The following TAS1R1 variants were observed in gnomAD, a reference collection of about 807,000 sequenced individuals.
The protein encoded by TAS1R1 is taste receptor type 1 member 1.
Under a neutral mutation model 45.8 loss-of-function variants are expected in TAS1R1, and 31 were observed. That is an observed-to-expected ratio of 0.68 (90% CI 0.51 to 0.91). The LOEUF is 0.91. Ranked by LOEUF, TAS1R1 falls within the 40% of genes least tolerant of loss-of-function variation. TAS1R1 has a pLI of 0.00. For missense variants in TAS1R1, 1,051 were observed against 1,063.9 expected (o/e 0.99, Z 0.17); for synonymous variants, 437 against 448.4 (o/e 0.97, Z 0.32).
intron 1 of TAS1R1, 150 bp downstream of exon 1, chr1:6,555,714 C>A: frequency 1.5e-6 from 1 of 688,594 alleles, no homozygotes; most frequent in Non-Finnish European, 2.4e-6. Context: ...CACCTAAGTG[C>A]TGGCTAGACC....
intron 5 of TAS1R1, among the ~76,000 whole-genome samples, chr1:6,577,696 C>T (rs1479409502): frequency 2.0e-5 from 3 of 151,644 alleles, no homozygotes; most frequent in Non-Finnish European, 2.9e-5. Context: ...GGCGTTGTGG[C>T]GTGTGCCTGT....
rs1474298256 is a variant in TAS1R1, at chr1:6,571,001, A to G, written c.284A>G (p.Asn95Ser). 3.1e-6 allele frequency: 5 copies of G among 1,614,050 alleles called. No homozygotes were observed. Among genetic ancestry groups the G allele is most frequent in the South Asian group, 2.2e-5 (2 of 91,082 alleles). ...AACAACTCCACGGCCCTGCTGCCCA[A>G]CATCACCCTGGGGTACCAGCTGTAT... ...EINNSTALLP[N>S]ITLGYQLYDV... The change falls in exon 2 of 6, where the codon AAC becomes AGC. Residue 95 changes from asparagine to serine, a missense_variant. By Grantham distance (46) the Asn-to-Ser change is conservative. Transcript: ENST00000333172.
intron 4 of TAS1R1, 63 bp from the exon 5 acceptor site, chr1:6,576,887 G>A (rs111438487): frequency 3.1e-6 from 5 of 1,610,850 alleles, no homozygotes; most frequent in African/African-American, 2.7e-5. Flanking sequence ...TCTGTTTTCT[G>A]TTCCACATGT....
chr1:6,570,885 G>A, intron 1 of TAS1R1, 24 bp from the exon 2 acceptor site: 3 of 1,572,486 alleles, frequency 1.9e-6, no homozygotes, highest in South Asian at 1.2e-5. Flanking sequence ...CTTCTCAGCT[G>A]TCTCTTACTG....
intron 2 of TAS1R1, among the ~76,000 whole-genome samples, chr1:6,571,836 A>G (rs1356793272): frequency 2.0e-5 from 3 of 151,978 alleles, no homozygotes; most frequent in Non-Finnish European, 2.9e-5. Flanking sequence ...CCTCCCCCCA[A>G]AAAAGGACAC....
rs1639655901 is a variant in TAS1R1 at position 6,555,410 on chromosome 1, C to T, written c.37C>T (p.Leu13Phe). The change falls in exon 1 of 6, where the codon CTT becomes TTT. Residue 13 changes from leucine to phenylalanine, a missense_variant. Transcript: ENST00000333172. ...CACGGCTCGCCTGGTCGGCCTGCAG[C>T]TTCTCATTTCCTGCTGCTGGGCCTT... ...LCTARLVGLQ[L>F]LISCCWAFAC... The T allele has an allele frequency of 1.9e-6, 3 of 1,606,504 alleles. No homozygotes were observed. The highest frequency in any genetic ancestry group is 2.5e-6 in the Non-Finnish European group (3 of 1,177,486).
At chr1:6,558,036 G>GTTTTTTTTTTTTTTTTTTTTTTT (rs779773064) in intron 1 of TAS1R1, among the ~76,000 whole-genome samples, 1 of 140,822 alleles carries the variant, frequency 7.1e-6, no homozygotes, top group Non-Finnish European at 1.5e-5. Context: ...GTAGTGGTTA[G>GTTTTTTTTTTTTTTTTTTTTTTT]TTTTTGTTTT....
At chr1:6,569,318 G>T (rs528061700) in intron 1 of TAS1R1, among the ~76,000 whole-genome samples, 1 of 152,270 alleles carries the variant, frequency 6.6e-6, no homozygotes, top group South Asian at 2.1e-4. Context: ...AACAGGACTG[G>T]CAGAGAGAAG....
chr1:6,559,146 G>A (rs1639737707), intron 1 of TAS1R1, among the ~76,000 whole-genome samples: 1 of 151,950 alleles, frequency 6.6e-6, no homozygotes, highest in African/African-American at 2.4e-5. Context: ...ACCCGCCTCG[G>A]CCTCCCAAAG....
intron 1 of TAS1R1, among the ~76,000 whole-genome samples, chr1:6,568,891 CT>C (rs1332314029): frequency 1.3e-5 from 2 of 152,130 alleles, no homozygotes; most frequent in Non-Finnish European, 2.9e-5. Context: ...TATTTAAATT[CT>C]TTGATATAAG....
chr1:6,571,773 T>C (rs1340594489), intron 2 of TAS1R1, among the ~76,000 whole-genome samples: 1 of 152,058 alleles, frequency 6.6e-6, no homozygotes, highest in Non-Finnish European at 1.5e-5. Context: ...TGAGCTGAGA[T>C]TGCACCACTG....
Position 6,567,546 on chromosome 1 carries a change from T to C in TAS1R1, c.192-3363T>C, listed in dbSNP as rs1324501399. Among the ~76,000 whole-genome samples, 3 of 134,160 alleles carry C rather than the reference T, an allele frequency of 2.2e-5. No individual in the cohort carries two copies. In the East Asian group the frequency reaches 6.7e-4, roughly 30 times the overall value. 88.0% of individuals were successfully genotyped at this position (134,160 alleles called of 152,430 possible). A position where few individuals can be genotyped will look rare whatever the true frequency, so the allele number is the denominator to read the frequency against. On this transcript the variant is annotated intron_variant, in intron 1 of 5. Coordinates refer to ENST00000333172, the MANE Select transcript of TAS1R1 (RefSeq NM_138697.4). ...CTGCACTCCAGCCTGGGCGACAGAG[T>C]GAGACTCCGTCTCAAAGAAAAAAAA...
rs147722077 is a variant in TAS1R1, at chr1:6,569,503, G to A, written c.192-1406G>A. 3.2e-3 allele frequency among the ~76,000 whole-genome samples: 492 copies of A among 152,312 alleles called. 2 individuals carry two copies. Among genetic ancestry groups the A allele is most frequent in the African/African-American group, 0.011 (450 of 41,568 alleles). On this transcript the variant is annotated intron_variant, in intron 1 of 5. Transcript: ENST00000333172. ...GGCCAGACAGTATTACAGTAGAAAAGCAGCTTCTTAGGACAGACCTCTGAA... is the reference window on the plus strand; with the variant it reads ...GGCCAGACAGTATTACAGTAGAAAAACAGCTTCTTAGGACAGACCTCTGAA...
chr1:6,567,589 C>T (rs908371064), intron 1 of TAS1R1, among the ~76,000 whole-genome samples: 2 of 148,668 alleles, frequency 1.3e-5, no homozygotes, highest in African/African-American at 4.9e-5. Flanking sequence ...AGGAGATCGG[C>T]TTACCTGATA....
intron 1 of TAS1R1, among the ~76,000 whole-genome samples, chr1:6,568,348 C>T (rs948876370): frequency 8.6e-5 from 13 of 151,040 alleles, no homozygotes; most frequent in Admixed American, 2.0e-4. Flanking sequence ...CCAGCTACTC[C>T]GGAGGCTGAG....
chr1:6,555,432 C>T lies in TAS1R1; in HGVS notation c.59C>T (p.Ala20Val). The change falls in exon 1 of 6, where the codon GCC becomes GTC. Residue 20 changes from alanine to valine, a missense_variant. Coordinates refer to ENST00000333172, the MANE Select transcript of TAS1R1 (RefSeq NM_138697.4). ...GLQLLISCCWAFACHSTESSP... is the reference protein window; with the variant it reads ...GLQLLISCCWVFACHSTESSP... ...CAGCTTCTCATTTCCTGCTGCTGGGCCTTTGCCTGCCATAGCACGGAGTCT... is the reference window on the plus strand; with the variant it reads ...CAGCTTCTCATTTCCTGCTGCTGGGTCTTTGCCTGCCATAGCACGGAGTCT... 1 of 1,607,324 alleles carries T rather than the reference C, an allele frequency of 6.2e-7. No individual in the cohort carries two copies. Among genetic ancestry groups the T allele is most frequent in the Non-Finnish European group, 8.5e-7 (1 of 1,177,600 alleles).
At chr1:6,576,875 A>G in intron 4 of TAS1R1, 75 bp from the exon 5 acceptor site, 1 of 1,606,890 alleles carries the variant, frequency 6.2e-7, no homozygotes, top group Admixed American at 1.7e-5. Context: ...ATGCACAGAG[A>G]TTCTGTTTTC....
chr1:6,575,551 C>T (rs1327712631), intron 3 of TAS1R1, among the ~76,000 whole-genome samples, 159 bp downstream of exon 3: 3 of 152,162 alleles, frequency 2.0e-5, no homozygotes, highest in African/African-American at 7.2e-5. Context: ...GACAGTCTGG[C>T]TCTGTCACCC....
At chr1:6,555,866 C>CTTTTT (rs770363613) in intron 1 of TAS1R1, among the ~76,000 whole-genome samples, 2,252 of 94,914 alleles carry the variant, frequency 0.024, 205 homozygotes, top group African/African-American at 0.039. Flanking sequence ...TTTCCCTCTT[C>CTTTTT]TTTTTTTTTT....
Sources: allele counts gnomAD v4.1 joint callset (sites outside exome capture counted in the v4.1 genomes callset), GRCh38; gene constraint gnomAD v4.1.1; transcripts MANE v1.5; gene names NCBI Gene and HGNC (gene_info 2026-07-23, HGNC 2026-07-21).